DLGAP2: variants seen among roughly 807,000 people sequenced by gnomAD.
DLGAP2 encodes disks large-associated protein 2.
DLGAP2 carries 26 observed loss-of-function variants against 100.3 expected under a neutral mutation model. That is an observed-to-expected ratio of 0.26 (90% confidence interval 0.19 to 0.36). The LOEUF (loss-of-function observed/expected upper bound fraction) is 0.36. DLGAP2 is among the 10% of genes least tolerant of loss of function. DLGAP2 has a pLI of 1.00. For synonymous variants in DLGAP2, 886 were observed against 630.1 expected (o/e 1.41, Z -6.08); for missense variants, 1,858 against 1,453.2 (o/e 1.28, Z -4.53).
At chr8:1,030,086 T>C (rs1801931341) in intron 2 of DLGAP2, among the ~76,000 whole-genome samples, 1 of 152,154 alleles carries the variant, frequency 6.6e-6, no homozygotes. Flanking sequence ...AATGTTAACT[T>C]TGTAAATCTT....
At position 1,287,876 on chromosome 8, in the gene DLGAP2, G is replaced by C. The variant is rs1202199347; in HGVS notation, c.106+28993G>C. 3.9e-4 allele frequency among the ~76,000 whole-genome samples: 47 copies of C among 120,618 alleles called. 1 individual carries two copies. In the Admixed American group the frequency reaches 4.3e-3, roughly 11 times the overall value. The allele number at this position is 120,618 out of a possible 152,430, so 79.1% of individuals were successfully genotyped here. A position where few individuals can be genotyped will look rare whatever the true frequency, so the allele number is the denominator to read the frequency against. ...GTTGTTAGGAGGGGAACTTGTTTTG[G>C]TTCAGCATGTGTGTGTGTGTGTGTG... On this transcript the variant is annotated intron_variant, in intron 3 of 14. Coordinates refer to ENST00000637795, the MANE Select transcript of DLGAP2 (RefSeq NM_001346810.2).
chr8:1,012,214 C>G (rs140395425), intron 2 of DLGAP2, among the ~76,000 whole-genome samples: 2 of 152,308 alleles, frequency 1.3e-5, no homozygotes, highest in African/African-American at 4.8e-5. Context: ...CCTGACATGT[C>G]TGACACCCCT....
intron 2 of DLGAP2, among the ~76,000 whole-genome samples, chr8:1,220,190 G>A (rs367713123): frequency 1.3e-5 from 2 of 152,096 alleles, no homozygotes; most frequent in East Asian, 3.9e-4. Flanking sequence ...GTTTCTTTAG[G>A]TGTGGTGTTA....
At chr8:1,311,656 A>G (rs926524899) in intron 3 of DLGAP2, among the ~76,000 whole-genome samples, 1 of 152,086 alleles carries the variant, frequency 6.6e-6, no homozygotes, top group Non-Finnish European at 1.5e-5. Context: ...TGCACATCTC[A>G]GTTGACACAC....
At chr8:1,046,827 C>G (rs1441313775) in intron 2 of DLGAP2, among the ~76,000 whole-genome samples, 1 of 152,114 alleles carries the variant, frequency 6.6e-6, no homozygotes, top group Non-Finnish European at 1.5e-5. Context: ...TTGAATTTCA[C>G]CACAACCCCC....
chr8:1,464,310 CA>C (rs1798553633), intron 3 of DLGAP2, among the ~76,000 whole-genome samples: 1 of 82,448 alleles, frequency 1.2e-5, no homozygotes. Context: ...GGCACCCTTC[CA>C]GGACAACGCC....
intron 2 of DLGAP2, among the ~76,000 whole-genome samples, chr8:1,089,292 G>A (rs1389137231): frequency 6.6e-6 from 1 of 152,230 alleles, no homozygotes; most frequent in African/African-American, 2.4e-5. Context: ...ATGGTCTATT[G>A]GTCTGTATAT....
intron 3 of DLGAP2, among the ~76,000 whole-genome samples, chr8:1,418,247 A>G (rs937550576): frequency 1.3e-5 from 2 of 152,222 alleles, no homozygotes; most frequent in Non-Finnish European, 2.9e-5. Context: ...AGAAATGGAT[A>G]TTGTATGTGT....
In DLGAP2 at chr8:1,343,713, G is replaced by C. The variant is rs73670776; in HGVS notation, c.106+84830G>C. ...GCAGTTTGCATCTGGGGGGTCGTGG[G>C]GGGTGTTAGAGGCTCCGATGTGCAC... On this transcript the variant is annotated intron_variant, in intron 3 of 14. Coordinates refer to ENST00000637795, the MANE Select transcript of DLGAP2 (RefSeq NM_001346810.2). Among the ~76,000 whole-genome samples the C allele has an allele frequency of 6.8e-3, 1,039 of 152,076 alleles. 10 individuals are homozygous for C. The highest frequency in any genetic ancestry group is 0.023 in the African/African-American group (969 of 41,504).
chr8:1,045,558 C>T (rs1802491142), intron 2 of DLGAP2, among the ~76,000 whole-genome samples: 1 of 152,172 alleles, frequency 6.6e-6, no homozygotes. Context: ...TGGTGGACTG[C>T]AGTCTCCATG....
At chr8:1,223,067 G>C (rs1798347615) in intron 2 of DLGAP2, among the ~76,000 whole-genome samples, 1 of 152,174 alleles carries the variant, frequency 6.6e-6, no homozygotes. Context: ...TGCCAGCTCA[G>C]AGGTCTGTGG....
chr8:1,105,462 T>C (rs1804725283), intron 2 of DLGAP2, among the ~76,000 whole-genome samples: 1 of 152,058 alleles, frequency 6.6e-6, no homozygotes, highest in Non-Finnish European at 1.5e-5. Flanking sequence ...ATGGTTCTGG[T>C]CCGTGTTTCT....
intron 1 of DLGAP2, among the ~76,000 whole-genome samples, chr8:842,083 A>G (rs1796993827): frequency 6.6e-6 from 1 of 152,228 alleles, no homozygotes; most frequent in Non-Finnish European, 1.5e-5. Flanking sequence ...TGGCATTGTC[A>G]GAGCAGATCC....
chr8:893,987 G>A (rs537660646), intron 1 of DLGAP2, among the ~76,000 whole-genome samples: 7 of 152,348 alleles, frequency 4.6e-5, no homozygotes, highest in African/African-American at 1.4e-4. Flanking sequence ...CCGAGGCTTC[G>A]AGGTCACCCA....
At chr8:1,672,794 C>G (rs1012329722) in intron 10 of DLGAP2, among the ~76,000 whole-genome samples, 1 of 152,228 alleles carries the variant, frequency 6.6e-6, no homozygotes, top group African/African-American at 2.4e-5. Context: ...GGAGGCAGAG[C>G]ACGTCTCAGA....
At chr8:821,721 A>G (rs1333285206) in intron 1 of DLGAP2, among the ~76,000 whole-genome samples, 2 of 152,354 alleles carry the variant, frequency 1.3e-5, no homozygotes, top group South Asian at 2.1e-4. Flanking sequence ...ATCAAATTAT[A>G]TAAGGAATCA....
At chr8:1,268,235 C>G (rs1328132933) in intron 3 of DLGAP2, among the ~76,000 whole-genome samples, 1 of 152,094 alleles carries the variant, frequency 6.6e-6, no homozygotes, top group African/African-American at 2.4e-5. Flanking sequence ...TTTTTGGTCA[C>G]TGGGTAATTT....
intron 2 of DLGAP2, among the ~76,000 whole-genome samples, chr8:1,242,000 C>G (rs1798807188): frequency 6.6e-6 from 1 of 152,158 alleles, no homozygotes; most frequent in African/African-American, 2.4e-5. Flanking sequence ...TCTGAGGGAA[C>G]TCCAGGGAAT....
chr8:966,708 A>G (rs1457971662), intron 2 of DLGAP2, among the ~76,000 whole-genome samples: 1 of 152,088 alleles, frequency 6.6e-6, no homozygotes, highest in Admixed American at 6.6e-5. Context: ...AGTCTTTTAC[A>G]TCTGGGTTTA....
Sources: gnomAD v4.1 joint callset for allele counts (sites outside exome capture counted in the v4.1 genomes callset) on GRCh38, gnomAD v4.1.1 for gene constraint, MANE v1.5 for transcripts, NCBI Gene and HGNC (gene_info 2026-07-23, HGNC 2026-07-21) for gene names.